Variants in PLXDC2 observed in about 807,000 individuals in gnomAD.
The protein encoded by PLXDC2 is plexin domain containing 2, also known as plexin domain-containing protein 2.
A neutral mutation model predicts 68.9 loss-of-function variants in PLXDC2; 40 were observed. The observed-to-expected ratio is 0.58, with a 90% CI of 0.45 to 0.76. The LOEUF is 0.76. Ranked by LOEUF, PLXDC2 falls within the 30% of genes least tolerant of loss-of-function variation. PLXDC2 has a pLI of 0.00. For missense variants in PLXDC2, 644 were observed against 661.9 expected (o/e 0.97, Z 0.30); for synonymous variants, 243 against 234.2 (o/e 1.04, Z -0.34).
intron 1 of PLXDC2, among the ~76,000 whole-genome samples, chr10:19,843,974 G>A (rs888721078): frequency 3.3e-5 from 5 of 152,128 alleles, no homozygotes; most frequent in Admixed American, 6.6e-5. Flanking sequence ...AAGGTGATGG[G>A]TGCCCCAAAT....
chr10:20,121,593 A>G (rs1833698426), intron 4 of PLXDC2, among the ~76,000 whole-genome samples: 1 of 152,162 alleles, frequency 6.6e-6, no homozygotes, highest in Admixed American at 6.5e-5. Flanking sequence ...TCTAAGTGAA[A>G]GCGAAGAGAG....
intron 9 of PLXDC2, among the ~76,000 whole-genome samples, chr10:20,211,442 T>A (rs1835068087): frequency 6.6e-6 from 1 of 152,152 alleles, no homozygotes; most frequent in South Asian, 2.1e-4. Flanking sequence ...AGTGATTTGG[T>A]TGCCATGTGC....
intron 2 of PLXDC2, among the ~76,000 whole-genome samples, chr10:20,030,986 A>C (rs572841965): frequency 6.6e-6 from 1 of 152,294 alleles, no homozygotes. Flanking sequence ...GAGACCCTAA[A>C]CATGTGACCA....
chr10:20,079,076 A>G (rs1283094191), intron 4 of PLXDC2, among the ~76,000 whole-genome samples: 1 of 152,146 alleles, frequency 6.6e-6, no homozygotes, highest in African/African-American at 2.4e-5. Flanking sequence ...TATATTAAAA[A>G]TTCATGGCAT....
At chr10:20,085,174 A>AAGGTG (rs531230469) in intron 4 of PLXDC2, among the ~76,000 whole-genome samples, 1 of 145,950 alleles carries the variant, frequency 6.9e-6, no homozygotes, top group Non-Finnish European at 1.5e-5. Context: ...GCTTAAAAAA[A>AAGGTG]GGTGGGGGGA....
chr10:19,900,406 T>C (rs1838137725), intron 1 of PLXDC2, among the ~76,000 whole-genome samples: 1 of 152,122 alleles, frequency 6.6e-6, no homozygotes, highest in Non-Finnish European at 1.5e-5. Flanking sequence ...TACAGGATTC[T>C]CAATGTCCAT....
In PLXDC2 at chr10:20,280,869, C is replaced by G. The variant is rs867862654; in HGVS notation, c.*1050C>G. 8 of 152,032 alleles carry G rather than the reference C, an allele frequency of 5.3e-5. 1 individual carries two copies. Among genetic ancestry groups the G allele is most frequent in the Middle Eastern group, 6.8e-3 (2 of 292 alleles). The allele number at this position is 152,032 out of a possible 1,614,324, so 9.4% of individuals were successfully genotyped here. On this transcript the variant is annotated 3_prime_UTR_variant, in exon 14 of 14. Transcript: ENST00000377252. ...AAAGAATGAAAAAACCCTGCTGAAT[C>G]ATACAGTAATTTTCTTTAAAGCACA...
At chr10:20,201,137 C>A (rs1387602422) in intron 9 of PLXDC2, among the ~76,000 whole-genome samples, 2 of 152,136 alleles carry the variant, frequency 1.3e-5, no homozygotes, top group Non-Finnish European at 2.9e-5. Flanking sequence ...AGCTCTCCAA[C>A]AACAGATCAA....
chr10:20,133,924 C>A (rs1833901420), intron 4 of PLXDC2, among the ~76,000 whole-genome samples: 1 of 152,056 alleles, frequency 6.6e-6, no homozygotes, highest in African/African-American at 2.4e-5. Context: ...CTCCTCTTAC[C>A]AGGTAAATTT....
At chr10:20,137,175 C>T (rs1294297137) in intron 4 of PLXDC2, among the ~76,000 whole-genome samples, 2 of 152,174 alleles carry the variant, frequency 1.3e-5, no homozygotes, top group Non-Finnish European at 2.9e-5. Flanking sequence ...CCAAGATTAA[C>T]TTGTAAATAC....
At chr10:19,839,473 C>T (rs118059374) in intron 1 of PLXDC2, among the ~76,000 whole-genome samples, 165 of 152,288 alleles carry the variant, frequency 1.1e-3, no homozygotes, top group Middle Eastern at 6.8e-3. Context: ...TTGGACACCA[C>T]TGAACTAGAC....
chr10:20,128,732 A>C (rs1341279713), intron 4 of PLXDC2, among the ~76,000 whole-genome samples: 1 of 152,196 alleles, frequency 6.6e-6, no homozygotes. Flanking sequence ...TTGATTCTAC[A>C]TATAGTATTT....
At chr10:20,257,919 CT>C (rs1257839850) in intron 13 of PLXDC2, among the ~76,000 whole-genome samples, 1 of 151,048 alleles carries the variant, frequency 6.6e-6, no homozygotes, top group African/African-American at 2.4e-5. Flanking sequence ...CCCATGCTTT[CT>C]GCAAGTAGGT....
At chr10:20,261,475 T>C (rs536120684) in intron 13 of PLXDC2, among the ~76,000 whole-genome samples, 1 of 152,152 alleles carries the variant, frequency 6.6e-6, no homozygotes, top group Non-Finnish European at 1.5e-5. Flanking sequence ...CAACCTTCCT[T>C]CTAAATGTTC....
chr10:20,036,663 A>G (rs571993215), intron 2 of PLXDC2, among the ~76,000 whole-genome samples: 1 of 152,326 alleles, frequency 6.6e-6, no homozygotes, highest in East Asian at 1.9e-4. Flanking sequence ...CACAGTATCA[A>G]GAATTACAGA....
chr10:20,055,958 C>T (rs1179105672), intron 3 of PLXDC2, among the ~76,000 whole-genome samples: 1 of 151,958 alleles, frequency 6.6e-6, no homozygotes, highest in Non-Finnish European at 1.5e-5. Context: ...ATGTACATTC[C>T]AAAGTAATCA....
chr10:19,952,820 G>A (rs1041563749), intron 1 of PLXDC2, among the ~76,000 whole-genome samples: 2 of 152,226 alleles, frequency 1.3e-5, no homozygotes, highest in African/African-American at 2.4e-5. Context: ...TTAGTCATGA[G>A]GGGCACATTT....
In PLXDC2 at chr10:20,161,164, ATT is replaced by A. The variant is rs202203907; in HGVS notation, c.784-3302_784-3301del. Reference sequence around the variant, plus strand: ...AAATGTAGTGGCTTAAAACAACTCCATTTCTTATTTCTCACAAGTTGCCTATA... The same window carrying A: ...AAATGTAGTGGCTTAAAACAACTCCATCTTATTTCTCACAAGTTGCCTATA... On this transcript the variant is annotated intron_variant, in intron 6 of 13. Transcript: ENST00000377252. Among the ~76,000 whole-genome samples, 1,058 of 152,178 alleles carry A rather than the reference ATT, an allele frequency of 7.0e-3. 16 individuals are homozygous for A. The highest frequency in any genetic ancestry group is 0.024 in the African/African-American group (1,012 of 41,522).
intron 2 of PLXDC2, among the ~76,000 whole-genome samples, chr10:20,036,135 G>T (rs1416474907): frequency 6.6e-6 from 1 of 152,158 alleles, no homozygotes; most frequent in Non-Finnish European, 1.5e-5. Context: ...TGTGTGTGCT[G>T]TGGACTAACG....
Sources: gnomAD v4.1 joint callset for allele counts (sites outside exome capture counted in the v4.1 genomes callset) on GRCh38, gnomAD v4.1.1 for gene constraint, MANE v1.5 for transcripts, NCBI Gene and HGNC (gene_info 2026-07-23, HGNC 2026-07-21) for gene names.